TEC: variants seen among roughly 807,000 people sequenced by gnomAD.
TEC encodes the protein tec protein tyrosine kinase.
A neutral mutation model predicts 93.0 loss-of-function variants in TEC; 72 were observed. That is an observed-to-expected ratio of 0.77 (90% CI 0.64 to 0.94). TEC has a LOEUF of 0.94. TEC is among the 40% of genes least tolerant of loss of function. The pLI is 0.00. For synonymous variants in TEC, 249 were observed against 247.7 expected, an observed-to-expected ratio of 1.01 and a Z score of -0.05; for missense variants, 630 against 757.9, an observed-to-expected ratio of 0.83 and a Z score of 1.98.
intron 2 of TEC, among the ~76,000 whole-genome samples, chr4:48,187,497 AT>A (rs1342238528): frequency 2.6e-5 from 4 of 152,018 alleles, no homozygotes; most frequent in African/African-American, 9.7e-5. Flanking sequence ...CAGAATCTTC[AT>A]ATAAGATCGT....
rs752819855 is a variant in TEC, at chr4:48,251,675, G to C, written c.-46+18077C>G. On this transcript the variant is annotated intron_variant, in intron 1 of 17. Transcript: ENST00000381501. ...ATTGGACATGATTGTATTTACTTAGGATTGAGGGAGGACTCTAAGGAGTAT... is the reference window on the plus strand; with the variant it reads ...ATTGGACATGATTGTATTTACTTAGCATTGAGGGAGGACTCTAAGGAGTAT... 2.7e-4 allele frequency among the ~76,000 whole-genome samples: 41 copies of C among 152,250 alleles called. 1 individual carries two copies. Among genetic ancestry groups the C allele is most frequent in the Non-Finnish European group, 4.7e-4 (32 of 68,006 alleles).
chr4:48,232,082 G>C (rs575355273), intron 1 of TEC, among the ~76,000 whole-genome samples: 78 of 152,036 alleles, frequency 5.1e-4, no homozygotes, highest in African/African-American at 1.9e-3. Context: ...TGAGGTCAGG[G>C]GTTCAAGACC....
chr4:48,142,468 G>A (rs561657139), intron 14 of TEC, among the ~76,000 whole-genome samples: 28 of 152,102 alleles, frequency 1.8e-4, no homozygotes, highest in African/African-American at 5.1e-4. Flanking sequence ...GCAAGACTCC[G>A]TCTCAAAAAG....
chr4:48,176,206 A>G lies in TEC; in HGVS notation c.139-20T>C. On this transcript the variant is annotated intron_variant, in intron 2 of 17. Coordinates refer to ENST00000381501, the MANE Select transcript of TEC (RefSeq NM_003215.3). ...TTTCTTCTGTTAAAAGAAAAAAAGG[A>G]GAAACATTAGAATCATAAGACATAA... 1.3e-6 allele frequency: 2 copies of G among 1,552,704 alleles called. No individual in the cohort carries two copies. The highest frequency in any genetic ancestry group is 1.8e-6 in the Non-Finnish European group (2 of 1,127,646).
chr4:48,261,878 TGATGA>T (rs1724503844), intron 1 of TEC, among the ~76,000 whole-genome samples: 1 of 152,046 alleles, frequency 6.6e-6, no homozygotes, highest in Admixed American at 6.6e-5. Flanking sequence ...AACATAAAAC[TGATGA>T]GATAACATAA....
intron 2 of TEC, among the ~76,000 whole-genome samples, chr4:48,208,873 C>G (rs1469695699): frequency 1.3e-5 from 2 of 152,128 alleles, no homozygotes; most frequent in African/African-American, 4.8e-5. Context: ...TGAACAGATT[C>G]AAGTAAAAAA....
intron 1 of TEC, among the ~76,000 whole-genome samples, chr4:48,264,506 A>G (rs1724582474): frequency 6.6e-6 from 1 of 152,164 alleles, no homozygotes; most frequent in African/African-American, 2.4e-5. Flanking sequence ...TCTGGGGAAA[A>G]GAATGGAAAA....
At chr4:48,249,987 C>G (rs1340768110) in intron 1 of TEC, among the ~76,000 whole-genome samples, 1 of 152,188 alleles carries the variant, frequency 6.6e-6, no homozygotes, top group Non-Finnish European at 1.5e-5. Context: ...AGGCATGCAT[C>G]CTGGAATTCC....
intron 14 of TEC, among the ~76,000 whole-genome samples, chr4:48,142,934 G>A (rs996578713): frequency 2.6e-5 from 4 of 151,890 alleles, no homozygotes; most frequent in African/African-American, 4.8e-5. Flanking sequence ...CGCCCGCCTC[G>A]GCCTCCAAAA....
chr4:48,238,681 TA>T (rs1665094416), intron 1 of TEC, among the ~76,000 whole-genome samples: 1 of 149,774 alleles, frequency 6.7e-6, no homozygotes. Flanking sequence ...TATGTAAATT[TA>T]TATATATGTA....
chr4:48,207,618 C>CA (rs34141042), intron 2 of TEC, among the ~76,000 whole-genome samples: 35,226 of 102,458 alleles, frequency 0.34, 5,797 homozygotes, highest in Admixed American at 0.41. Flanking sequence ...CATGTCTCTA[C>CA]AAAAAAAAAA....
At chr4:48,260,010 T>C (rs1404205725) in intron 1 of TEC, among the ~76,000 whole-genome samples, 2 of 152,232 alleles carry the variant, frequency 1.3e-5, no homozygotes, top group Non-Finnish European at 2.9e-5. Context: ...TCTTCCATGT[T>C]TTGTTACTGA....
chr4:48,141,216 C>A (rs570731966), intron 15 of TEC, 139 bp downstream of exon 15: 2 of 704,144 alleles, frequency 2.8e-6, no homozygotes, highest in South Asian at 1.8e-5. Context: ...TTACTACCAT[C>A]ACAATATATA....
chr4:48,230,135 A>T lies in TEC; in HGVS notation c.-45-1476T>A, dbSNP rs1221834986. 2.6e-5 allele frequency among the ~76,000 whole-genome samples: 4 copies of T among 152,128 alleles called. No homozygotes were observed. In the South Asian group the frequency reaches 8.3e-4, roughly 31 times the overall value. On this transcript the variant is annotated intron_variant, in intron 1 of 17. Coordinates refer to ENST00000381501, the MANE Select transcript of TEC (RefSeq NM_003215.3). ...TAACTGCATATTAAAGGACAGAGGC[A>T]AGAAGAGTCACATGAACAGCATGAA...
intron 2 of TEC, among the ~76,000 whole-genome samples, chr4:48,214,528 C>G (rs1267609636): frequency 6.6e-6 from 1 of 152,224 alleles, no homozygotes; most frequent in Non-Finnish European, 1.5e-5. Context: ...TACTACCATT[C>G]TGTTTTTCAC....
chr4:48,260,338 C>A (rs1384474031), intron 1 of TEC, among the ~76,000 whole-genome samples: 4 of 152,144 alleles, frequency 2.6e-5, no homozygotes, highest in African/African-American at 9.7e-5. Flanking sequence ...AATCCTAGAA[C>A]TTTGGGAGGC....
chr4:48,205,395 T>C (rs1012235562), intron 2 of TEC, among the ~76,000 whole-genome samples: 1 of 152,152 alleles, frequency 6.6e-6, no homozygotes, highest in African/African-American at 2.4e-5. Context: ...GGGCCGGAGA[T>C]CTGCCATAGT....
chr4:48,167,691 C>T (rs1017913660), intron 7 of TEC, 87 bp downstream of exon 7: 10 of 1,270,182 alleles, frequency 7.9e-6, no homozygotes, highest in Non-Finnish European at 5.6e-6. Flanking sequence ...AGTCTCATTA[C>T]ACGATAGTTA....
chr4:48,168,610 T>C lies in TEC; in HGVS notation c.471A>G (p.Leu157=), dbSNP rs200811357. 7.7e-5 allele frequency: 124 copies of C among 1,604,374 alleles called. No individual in the cohort carries two copies. The highest frequency in any genetic ancestry group is 1.0e-4 in the Non-Finnish European group (119 of 1,177,816). ...NLFESSIRKA[L]PPAPETKKRR... ...CCTTCTTTGTTTCTGGTGCTGGAGG[T>C]AGTGCTTTTCTTATACCTGAAAATG... is the stretch of plus-strand genomic sequence containing the variant. The change falls in exon 6 of 18, where the codon CTA becomes CTG. Residue 157 remains leucine (L), a synonymous_variant. Transcript: ENST00000381501.
Sources: gnomAD v4.1 joint callset for allele counts (sites outside exome capture counted in the v4.1 genomes callset) on GRCh38, gnomAD v4.1.1 for gene constraint, MANE v1.5 for transcripts, NCBI Gene and HGNC (gene_info 2026-07-23, HGNC 2026-07-21) for gene names.